PPID: variants seen among roughly 807,000 people sequenced by gnomAD.
The protein encoded by PPID is peptidylprolyl isomerase D.
A neutral mutation model predicts 48.1 loss-of-function variants in PPID; 47 were observed. That is an observed-to-expected ratio of 0.98 (90% CI 0.77 to 1.25). PPID has a LOEUF of 1.25. PPID is among the 50% of genes most tolerant of loss of function. PPID has a pLI of 0.00. For synonymous variants in PPID, 163 were observed against 148.8 expected (o/e 1.10, Z -0.69); for missense variants, 429 against 443.5 (o/e 0.97, Z 0.29).
rs1180657774 is a variant in PPID, at chr4:158,719,253, A to T, written c.260T>A (p.Phe87Tyr). Residue 87 changes from phenylalanine (F) to tyrosine (Y), a missense_variant, in exon 3 of 10, where the codon TTC becomes TAC. Transcript: ENST00000307720. ...TCCACCTGTCCCATTCTGATTTGAGAAGTCTCCACCCTGAATCATAAATTT... is the reference window on the plus strand; with the variant it reads ...TCCACCTGTCCCATTCTGATTTGAGTAGTCTCCACCCTGAATCATAAATTT... ...IKKFMIQGGD[F>Y]SNQNGTGGES... 1 of 1,611,094 alleles carries T rather than the reference A, an allele frequency of 6.2e-7. No homozygotes were observed. Among genetic ancestry groups the T allele is most frequent in the Non-Finnish European group, 8.5e-7 (1 of 1,177,576 alleles).
At chr4:158,718,516 G>T (rs888069325) in intron 3 of PPID, among the ~76,000 whole-genome samples, 1 of 152,126 alleles carries the variant, frequency 6.6e-6, no homozygotes, top group Non-Finnish European at 1.5e-5. Context: ...TAAATTCCTT[G>T]TCATCAAGGC....
chr4:158,717,142 T>C lies in PPID; in HGVS notation c.392A>G (p.Gln131Arg). The C allele has an allele frequency of 1.2e-6, 2 of 1,613,884 alleles. No homozygotes were observed. The highest frequency in any genetic ancestry group is 1.7e-6 in the Non-Finnish European group (2 of 1,179,752). ...ANAGRNTNGS[Q>R]FFITTVPTPH... ...AGTTGGAACTGTTGTGATAAAAAAC[T>C]GAGAACCGTTTGTGTTGCGGCCTGC... The change falls in exon 4 of 10, where the codon CAG becomes CGG. Residue 131 changes from glutamine (Q) to arginine (R), a missense_variant. Transcript: ENST00000307720.
intron 4 of PPID, 50 bp downstream of exon 4, chr4:158,716,962 A>G: frequency 1.9e-6 from 3 of 1,558,734 alleles, no homozygotes; most frequent in Non-Finnish European, 2.6e-6. Flanking sequence ...CCGTCTCAAA[A>G]AGATAGCAAC....
At chr4:158,723,149 T>A in intron 1 of PPID, 55 bp downstream of exon 1, 1 of 1,527,396 alleles carries the variant, frequency 6.5e-7, no homozygotes, top group Non-Finnish European at 9.0e-7. Context: ...ATCCCCCAAA[T>A]CCCGGGAACC....
chr4:158,713,032 G>T, intron 7 of PPID, 87 bp downstream of exon 7: 1 of 1,374,506 alleles, frequency 7.3e-7, no homozygotes. Flanking sequence ...TATGCAATAA[G>T]ATATATTAAT....
At chr4:158,720,422 T>C (rs1774938319) in intron 2 of PPID, among the ~76,000 whole-genome samples, 2 of 152,244 alleles carry the variant, frequency 1.3e-5, no homozygotes, top group South Asian at 4.1e-4. Context: ...TGATTATTGC[T>C]TATTTGCCTA....
chr4:158,711,940 A>G (rs1017983796), intron 7 of PPID, among the ~76,000 whole-genome samples: 4 of 152,106 alleles, frequency 2.6e-5, no homozygotes, highest in Non-Finnish European at 5.9e-5. Context: ...GCACTCCAGC[A>G]TGGGTGACAG....
intron 6 of PPID, among the ~76,000 whole-genome samples, 185 bp downstream of exon 6, chr4:158,715,112 T>C (rs1227639894): frequency 1.3e-5 from 2 of 150,970 alleles, no homozygotes; most frequent in African/African-American, 4.9e-5. Context: ...TATGTACTAC[T>C]CGTTCAACTT....
At chr4:158,715,132 GA>G (rs1286711275) in intron 6 of PPID, among the ~76,000 whole-genome samples, 164 bp downstream of exon 6, 1 of 121,206 alleles carries the variant, frequency 8.3e-6, no homozygotes, top group Non-Finnish European at 1.7e-5. Flanking sequence ...TCTGTCTTTT[GA>G]AATTTCTCAA....
intron 6 of PPID, among the ~76,000 whole-genome samples, chr4:158,713,878 A>G (rs1774828723): frequency 6.6e-6 from 1 of 152,186 alleles, no homozygotes; most frequent in African/African-American, 2.4e-5. Flanking sequence ...AATGACAATA[A>G]TAGCGTACTA....
intron 6 of PPID, 25 bp downstream of exon 6, chr4:158,715,272 A>T: frequency 1.0e-5 from 14 of 1,375,170 alleles, no homozygotes; most frequent in Non-Finnish European, 1.3e-5. Context: ...ATTTCTTAAA[A>T]ATAATTTGTT....
intron 7 of PPID, among the ~76,000 whole-genome samples, chr4:158,711,590 G>C (rs1326060929): frequency 6.6e-6 from 1 of 151,980 alleles, no homozygotes; most frequent in Non-Finnish European, 1.5e-5. Context: ...CTCTCCCCTA[G>C]AACAAACATT....
chr4:158,718,478 T>C (rs774083077), intron 3 of PPID, among the ~76,000 whole-genome samples: 1 of 152,228 alleles, frequency 6.6e-6, no homozygotes, highest in African/African-American at 2.4e-5. Context: ...GTCCCATGTA[T>C]CTTAATCTTG....
At chr4:158,710,315 T>C (rs1310249273) in intron 9 of PPID, 1 of 454,286 alleles carries the variant, frequency 2.2e-6, no homozygotes, top group Non-Finnish European at 3.9e-6. Context: ...CTAACCAGAA[T>C]AGGAACACAG....
chr4:158,722,570 C>T (rs1325763394), intron 1 of PPID, among the ~76,000 whole-genome samples: 1 of 152,244 alleles, frequency 6.6e-6, no homozygotes, highest in African/African-American at 2.4e-5. Context: ...CAAGGCCAAT[C>T]CAGTTACAAA....
Position 158,710,669 on chromosome 4 carries a change from G to C in PPID, c.983C>G (p.Ala328Gly), listed in dbSNP as rs1451814315. 1 of 1,613,702 alleles carries C rather than the reference G, an allele frequency of 6.2e-7. No individual in the cohort carries two copies. The highest frequency in any genetic ancestry group is 1.3e-5 in the African/African-American group (1 of 75,016). Residue 328 changes from alanine to glycine, a missense_variant and splice_region_variant, in exon 9 of 10, where the codon GCT becomes GGT. Physicochemically the swap from Ala to Gly is moderately conservative, Grantham distance 60 (BLOSUM62 0). Coordinates refer to ENST00000307720, the MANE Select transcript of PPID (RefSeq NM_005038.3). ...TATCCCCTGAGCTTTCTTAAGATCA[G>C]CCTTTAATTGGAAAAAAACATTTAA... ...QGLKEYDQAL[A>G]DLKKAQGIAP... is the part of the protein sequence containing the mutation.
chr4:158,715,121 TTCTG>T (rs1253537975), intron 6 of PPID, among the ~76,000 whole-genome samples, 172 bp downstream of exon 6: 2 of 145,524 alleles, frequency 1.4e-5, no homozygotes, highest in Non-Finnish European at 3.0e-5. Flanking sequence ...CTCGTTCAAC[TTCTG>T]TCTTTTGAAA....
chr4:158,721,835 T>C (rs1774968302), intron 1 of PPID, among the ~76,000 whole-genome samples: 1 of 152,222 alleles, frequency 6.6e-6, no homozygotes, highest in Admixed American at 6.5e-5. Flanking sequence ...CCCAGCTTAT[T>C]TCATGTAACA....
intron 7 of PPID, 77 bp from the exon 8 acceptor site, chr4:158,710,925 A>C: frequency 7.8e-7 from 1 of 1,276,624 alleles, no homozygotes; most frequent in African/African-American, 1.5e-5. Context: ...TTGCCTATCA[A>C]CTCCAAACCC....
Sources: gnomAD v4.1 joint callset for allele counts (sites outside exome capture counted in the v4.1 genomes callset) on GRCh38, gnomAD v4.1.1 for gene constraint, MANE v1.5 for transcripts, NCBI Gene and HGNC (gene_info 2026-07-23, HGNC 2026-07-21) for gene names.